Variants in MRTFA observed in about 807,000 individuals in gnomAD.
MRTFA encodes the protein myocardin related transcription factor A, also known as myocardin-related transcription factor A.
In MRTFA, 20 loss-of-function variants were observed where a neutral mutation model predicts 83.5. That is an observed-to-expected ratio of 0.24 (90% CI 0.17 to 0.35). MRTFA has a LOEUF of 0.35. Ranked by LOEUF, MRTFA falls within the 10% of genes least tolerant of loss-of-function variation. The pLI is 1.00. For missense variants in MRTFA, 1,200 were observed against 1,224.7 expected (o/e 0.98, Z 0.30); for synonymous variants, 659 against 541.2 (o/e 1.22, Z -3.02).
chr22:40,614,979 G>C (rs149558004), intron 1 of MRTFA, among the ~76,000 whole-genome samples: 1 of 151,946 alleles, frequency 6.6e-6, no homozygotes, highest in African/African-American at 2.4e-5. Context: ...AGAACAGAAG[G>C]CTTTAATTTT....
intron 3 of MRTFA, among the ~76,000 whole-genome samples, chr22:40,467,487 A>C (rs939736992): frequency 6.6e-6 from 1 of 152,186 alleles, no homozygotes; most frequent in Non-Finnish European, 1.5e-5. Flanking sequence ...ATGACTTTAC[A>C]TTTCCAGACC....
chr22:40,532,623 T>C (rs1056541717), intron 3 of MRTFA, among the ~76,000 whole-genome samples: 7 of 152,342 alleles, frequency 4.6e-5, no homozygotes, highest in African/African-American at 1.7e-4. Flanking sequence ...TCCCTGATCA[T>C]AAGCTTTATT....
At chr22:40,547,671 G>T (rs2055386635) in intron 3 of MRTFA, among the ~76,000 whole-genome samples, 1 of 151,972 alleles carries the variant, frequency 6.6e-6, no homozygotes, top group African/African-American at 2.4e-5. Flanking sequence ...GGCCAATATG[G>T]TGAAACCCCA....
intron 3 of MRTFA, among the ~76,000 whole-genome samples, chr22:40,507,526 G>C (rs1036756987): frequency 3.3e-5 from 5 of 151,802 alleles, no homozygotes; most frequent in Admixed American, 3.3e-4. Context: ...AGAGGCTGAG[G>C]TGGGGGGATC....
intron 3 of MRTFA, among the ~76,000 whole-genome samples, chr22:40,495,439 A>C (rs1393675496): frequency 6.9e-6 from 1 of 145,398 alleles, no homozygotes; most frequent in South Asian, 2.2e-4. Context: ...GCCACAGAGC[A>C]AGACTCCGTC....
chr22:40,586,897 CTGCTGGTGCTGCTGG>C (rs1184665327), intron 2 of MRTFA: 5 of 433,086 alleles, frequency 1.2e-5, no homozygotes, highest in Admixed American at 7.9e-5. Context: ...GCTGCTGGTG[CTGCTGGTGCTGCTGG>C]TGCTGGTGCT....
intron 4 of MRTFA, among the ~76,000 whole-genome samples, chr22:40,444,213 C>A (rs761964978): frequency 6.6e-6 from 1 of 152,058 alleles, no homozygotes; most frequent in Non-Finnish European, 1.5e-5. Flanking sequence ...AGGAAAGATT[C>A]GGTGAACCAG....
chr22:40,599,290 C>T (rs756351956), intron 1 of MRTFA, among the ~76,000 whole-genome samples: 9 of 152,094 alleles, frequency 5.9e-5, no homozygotes, highest in Non-Finnish European at 8.8e-5. Flanking sequence ...AAGAACGAAA[C>T]TCCGTCTCAA....
intron 1 of MRTFA, among the ~76,000 whole-genome samples, chr22:40,624,305 A>G (rs2056556148): frequency 6.6e-6 from 1 of 151,170 alleles, no homozygotes; most frequent in Non-Finnish European, 1.5e-5. Context: ...GCACGCCTGT[A>G]ATCCCGGCTT....
chr22:40,621,340 T>C (rs1022402233), intron 1 of MRTFA, among the ~76,000 whole-genome samples: 1 of 152,178 alleles, frequency 6.6e-6, no homozygotes, highest in Non-Finnish European at 1.5e-5. Context: ...TTGAGGACAT[T>C]ATACTAAGTG....
In MRTFA at chr22:40,418,720, G is replaced by A; in HGVS notation, c.2018C>T (p.Thr673Ile). 6.8e-7 allele frequency: 1 copy of A among 1,470,368 alleles called. No individual in the cohort carries two copies. Among genetic ancestry groups the A allele is most frequent in the Non-Finnish European group, 9.0e-7 (1 of 1,115,590 alleles). 91.1% of individuals were successfully genotyped at this position (1,470,368 alleles called of 1,614,324 possible). ...GAAGCTGTTCTCCTGCTTCACGGGG[G>A]TGCCGAGGGGGGCGGGGGCGGGGGC... The change falls in exon 12 of 15, where the codon ACC becomes ATC. Residue 673 changes from threonine to isoleucine, a missense_variant. By Grantham distance (89) the Thr-to-Ile change is moderately conservative. This residue lies in a region of MRTFA where 1,107 missense variants were observed against 1,041.8 expected (regional missense o/e 1.06). Transcript: ENST00000355630.
rs1298870450 is a variant in MRTFA at position 40,418,916 on chromosome 22, A to C, written c.1822T>G (p.Cys608Gly). The change falls in exon 12 of 15, where the codon TGT (cysteine) becomes GGT (glycine). Residue 608 changes from cysteine (C) to glycine (G), a missense_variant. By Grantham distance (159) the Cys-to-Gly change is radical. Transcript: ENST00000355630. ...GCCCGCCCCCCAGGGCTCAGGCAACAGGACCCGGCCCGGGGGCCCTCCTCC... is the reference window on the plus strand; with the variant it reads ...GCCCGCCCCCCAGGGCTCAGGCAACCGGACCCGGCCCGGGGGCCCTCCTCC... The C allele has an allele frequency of 6.2e-7, 1 of 1,612,682 alleles. No homozygotes were observed. Among genetic ancestry groups the C allele is most frequent in the African/African-American group, 1.3e-5 (1 of 74,918 alleles).
intron 3 of MRTFA, among the ~76,000 whole-genome samples, chr22:40,531,456 A>G (rs1364446013): frequency 1.3e-5 from 2 of 152,030 alleles, no homozygotes; most frequent in Non-Finnish European, 2.9e-5. Context: ...TATTCAAATG[A>G]AAATTGTTCA....
At position 40,564,738 on chromosome 22, in the gene MRTFA, C is replaced by T. The variant is rs564081729; in HGVS notation, c.-21-12371G>A. On this transcript the variant is annotated intron_variant, in intron 2 of 14. Coordinates refer to ENST00000355630, the MANE Select transcript of MRTFA (RefSeq NM_020831.6). ...CGTGATCTTGGCTCACTGCAACCTCCGTCTCCCGGGTTCAAGCTTTCTCCT... is the reference window on the plus strand; with the variant it reads ...CGTGATCTTGGCTCACTGCAACCTCTGTCTCCCGGGTTCAAGCTTTCTCCT... Among the ~76,000 whole-genome samples the T allele has an allele frequency of 7.2e-5, 11 of 152,202 alleles. No individual in the cohort carries two copies. In the South Asian group the frequency reaches 1.2e-3, roughly 17 times the overall value.
chr22:40,631,140 T>C (rs1276786223), intron 1 of MRTFA, among the ~76,000 whole-genome samples: 1 of 152,210 alleles, frequency 6.6e-6, no homozygotes, highest in African/African-American at 2.4e-5. Flanking sequence ...TTCACTCTAC[T>C]TTGTAAAATA....
At chr22:40,595,863 C>CTT (rs35215701) in intron 1 of MRTFA, among the ~76,000 whole-genome samples, 980 of 78,096 alleles carry the variant, frequency 0.013, 14 homozygotes, top group South Asian at 0.032. Flanking sequence ...TATCTAAAGT[C>CTT]TTTTTTTTTT....
chr22:40,412,449 T>C (rs2052578612), intron 14 of MRTFA: 1 of 152,232 alleles, frequency 6.6e-6, no homozygotes, highest in African/African-American at 2.4e-5. Flanking sequence ...AAAAATAGAA[T>C]TACCATATGA....
At chr22:40,429,917 T>C (rs2053033838) in intron 6 of MRTFA, 150 bp from the exon 7 acceptor site, 4 of 813,094 alleles carry the variant, frequency 4.9e-6, no homozygotes, top group Non-Finnish European at 5.7e-6. Flanking sequence ...GTGGCCTGTC[T>C]TGAAGTTTCA....
At chr22:40,553,510 C>T (rs1037508368) in intron 2 of MRTFA, among the ~76,000 whole-genome samples, 6 of 152,256 alleles carry the variant, frequency 3.9e-5, no homozygotes, top group East Asian at 1.9e-4. Flanking sequence ...GGCTTCGAAG[C>T]GTGCAAGCCC....
Sources: gnomAD v4.1 joint callset for allele counts (sites outside exome capture counted in the v4.1 genomes callset) on GRCh38, gnomAD v4.1.1 for gene constraint, gnomAD v4.1.1 regional missense constraint, MANE v1.5 for transcripts, NCBI Gene and HGNC (gene_info 2026-07-23, HGNC 2026-07-21) for gene names.